The following ZNF667 variants were observed in gnomAD, a reference collection of about 807,000 sequenced individuals.
The protein encoded by ZNF667 is myocardial ischemic preconditioning upregulated 1 ortholog.
A neutral mutation model predicts 31.8 loss-of-function variants in ZNF667; 13 were observed. That is an observed-to-expected ratio of 0.41 (90% CI 0.27 to 0.65). The LOEUF is 0.65. Ranked by LOEUF, ZNF667 falls within the 30% of genes least tolerant of loss-of-function variation. The probability of loss-of-function intolerance (pLI) is 0.32; values close to 1 mark genes in which losing one functional copy is unlikely to be tolerated. For synonymous variants in ZNF667, 228 were observed against 247.1 expected (o/e 0.92, Z 0.73); for missense variants, 642 against 725.6 (o/e 0.88, Z 1.32).
intron 6 of ZNF667, among the ~76,000 whole-genome samples, chr19:56,452,335 C>A (rs945692532): frequency 2.0e-5 from 3 of 151,982 alleles, no homozygotes; most frequent in African/African-American, 7.2e-5. Flanking sequence ...TAGGCGTGAG[C>A]CACCACCCCC....
At position 56,460,749 on chromosome 19, in the gene ZNF667, T is replaced by TTC; in HGVS notation, c.99_100insGA (p.Ile34GlufsTer30). On this transcript the variant is annotated frameshift_variant, in exon 5 of 7. Transcript: ENST00000504904. LOFTEE classifies it high-confidence loss of function. ...ACATCTTCATACAAATCCTTCTGAA[T>TTC]GGGGCTCAGCCATTCCCACTCCTCC... 6.2e-7 allele frequency: 1 copy of TTC among 1,613,246 alleles called. No homozygotes were observed. The highest frequency in any genetic ancestry group is 8.5e-7 in the Non-Finnish European group (1 of 1,179,720).
chr19:56,462,525 A>ATGTG, intron 3 of ZNF667, 96 bp from the exon 4 acceptor site: 2 of 774,466 alleles, frequency 2.6e-6, no homozygotes, highest in Non-Finnish European at 4.6e-6. Context: ...ATGCACACAT[A>ATGTG]TGCACGTGCA....
chr19:56,458,132 T>G lies in ZNF667; in HGVS notation c.253+23A>C, dbSNP rs773841186. 6.2e-6 allele frequency: 10 copies of G among 1,604,682 alleles called. No homozygotes were observed. The East Asian group carries it at 1.8e-4, about 29-fold the overall frequency. On this transcript the variant is annotated intron_variant, in intron 6 of 6. Transcript: ENST00000504904. Reference sequence around the variant, plus strand: ...AGCAGCCCCAGTAGACTGAGACATATGCCTTGGTTCTCTGTCACTCACCAG... The same window carrying G: ...AGCAGCCCCAGTAGACTGAGACATAGGCCTTGGTTCTCTGTCACTCACCAG...
chr19:56,471,166 G>A (rs927804682), intron 3 of ZNF667, among the ~76,000 whole-genome samples: 1 of 151,518 alleles, frequency 6.6e-6, no homozygotes, highest in Non-Finnish European at 1.5e-5. Flanking sequence ...CACCCCCCCT[G>A]CCTCTTTCTC....
intron 3 of ZNF667, chr19:56,469,079 C>T (rs542760102): frequency 6.6e-6 from 1 of 152,222 alleles, no homozygotes; most frequent in Non-Finnish European, 1.5e-5. Flanking sequence ...TTGTCAGTGA[C>T]CTGGTGCTGA....
intron 6 of ZNF667, among the ~76,000 whole-genome samples, chr19:56,451,386 A>T (rs2042818906): frequency 6.6e-6 from 1 of 152,008 alleles, no homozygotes; most frequent in African/African-American, 2.4e-5. Flanking sequence ...TGGAGACTTA[A>T]CCACTTCATT....
intron 4 of ZNF667, among the ~76,000 whole-genome samples, chr19:56,461,472 A>C (rs930641640): frequency 3.3e-5 from 5 of 152,210 alleles, no homozygotes; most frequent in African/African-American, 1.2e-4. Flanking sequence ...GAATCTGGCC[A>C]ATAACCAGCA....
In ZNF667 at chr19:56,458,250, G is replaced by A. The variant is rs1600430804; in HGVS notation, c.161-3C>T. ...ATTTGGTCTCCGAAAGGAAAGACCT[G>A]TACGTGGGACAAACATGGGAAATGA... On this transcript the variant is annotated splice_region_variant and splice_polypyrimidine_tract_variant and intron_variant, in intron 5 of 6. Transcript: ENST00000504904. 2 of 1,613,394 alleles carry A rather than the reference G, an allele frequency of 1.2e-6. No homozygotes were observed. Among genetic ancestry groups the A allele is most frequent in the Non-Finnish European group, 1.7e-6 (2 of 1,179,436 alleles).
chr19:56,451,942 T>C (rs1373882583), intron 6 of ZNF667, among the ~76,000 whole-genome samples: 1 of 139,358 alleles, frequency 7.2e-6, no homozygotes, highest in Non-Finnish European at 1.5e-5. Flanking sequence ...CTGACCACAA[T>C]GGAACAAAAC....
chr19:56,449,267 C>T (rs1442260168), intron 6 of ZNF667: 4 of 437,874 alleles, frequency 9.1e-6, no homozygotes, highest in Non-Finnish European at 1.8e-5. Flanking sequence ...GACAAACATC[C>T]ATAAGCATCA....
At chr19:56,463,960 C>T (rs1480857557) in intron 3 of ZNF667, among the ~76,000 whole-genome samples, 1 of 152,014 alleles carries the variant, frequency 6.6e-6, no homozygotes, top group Non-Finnish European at 1.5e-5. Flanking sequence ...TACCGTAAAA[C>T]TTTAAAGTAT....
chr19:56,462,583 C>A (rs2043070237), intron 3 of ZNF667, among the ~76,000 whole-genome samples, 154 bp from the exon 4 acceptor site: 1 of 152,076 alleles, frequency 6.6e-6, no homozygotes, highest in Non-Finnish European at 1.5e-5. Flanking sequence ...TGTCCCCCCT[C>A]ACCTGCTCAC....
intron 2 of ZNF667, among the ~76,000 whole-genome samples, chr19:56,473,464 T>C (rs998733752): frequency 1.3e-5 from 2 of 152,208 alleles, no homozygotes; most frequent in African/African-American, 4.8e-5. Context: ...AATAGGAGAA[T>C]GGCTAAGTGA....
chr19:56,442,073 T>C lies in ZNF667; in HGVS notation c.922A>G (p.Ile308Val), dbSNP rs1250541866. 7 of 1,614,164 alleles carry C rather than the reference T, an allele frequency of 4.3e-6. No homozygotes were observed. Among genetic ancestry groups the C allele is most frequent in the Non-Finnish European group, 5.9e-6 (7 of 1,180,016 alleles). The change falls in exon 7 of 7, where the codon ATC becomes GTC. Residue 308 changes from isoleucine (I) to valine (V), a missense_variant. By Grantham distance (29) the Ile-to-Val change is conservative. Coordinates refer to ENST00000504904, the MANE Select transcript of ZNF667 (RefSeq NM_001321356.2). ...VHKRIHAGEK[I>V]PENAKALSQS... ...CTTAAGGCCTTCGCATTTTCAGGGA[T>C]TTTCTCTCCAGCATGAATTCTTTTA...
chr19:56,465,038 T>G (rs183084319), intron 3 of ZNF667, among the ~76,000 whole-genome samples: 146 of 152,368 alleles, frequency 9.6e-4, no homozygotes, highest in African/African-American at 3.4e-3. Flanking sequence ...CACCAAATGT[T>G]AACATTTTTC....
At chr19:56,443,364 T>C (rs1453206486) in intron 6 of ZNF667, among the ~76,000 whole-genome samples, 1 of 152,160 alleles carries the variant, frequency 6.6e-6, no homozygotes, top group Non-Finnish European at 1.5e-5. Flanking sequence ...TGCTTAACAA[T>C]GGGAACATGT....
At chr19:56,460,603 G>T in intron 5 of ZNF667, 86 bp downstream of exon 5, 1 of 1,439,974 alleles carries the variant, frequency 6.9e-7, no homozygotes, top group Non-Finnish European at 9.2e-7. Context: ...AGAAACTGCA[G>T]TGGCTTCCAT....
intron 6 of ZNF667, 44 bp downstream of exon 6, chr19:56,458,111 G>A (rs2042970862): frequency 1.3e-6 from 2 of 1,523,636 alleles, no homozygotes; most frequent in Admixed American, 3.3e-5. Context: ...TGTTATAGCA[G>A]CCCCAGTAGA....
Position 56,441,523 on chromosome 19 carries a change from C to A in ZNF667, c.1472G>T (p.Arg491Ile). ...ATAGGGTCTATCTTCAGTATGAATT[C>A]TCTTATGTCGTGTGAGAGATATTCG... ...SHRISLTRHK[R>I]IHTEDRPYEC... Residue 491 changes from arginine (R) to isoleucine (I), a missense_variant, in exon 7 of 7, where the codon AGA becomes ATA. By Grantham distance (97) the Arg-to-Ile change is moderately conservative. Coordinates refer to ENST00000504904, the MANE Select transcript of ZNF667 (RefSeq NM_001321356.2). This position sits in a 1 kb window ranked among gnomAD's most constrained non-coding sequence, Gnocchi z 4.2. 6.2e-7 allele frequency: 1 copy of A among 1,614,208 alleles called. No individual in the cohort carries two copies. Among genetic ancestry groups the A allele is most frequent in the Non-Finnish European group, 8.5e-7 (1 of 1,180,044 alleles).
Sources: allele counts gnomAD v4.1 joint callset (sites outside exome capture counted in the v4.1 genomes callset), GRCh38; gene constraint gnomAD v4.1.1; non-coding constraint Gnocchi (gnomAD v3.1); transcripts MANE v1.5; gene names NCBI Gene and HGNC (gene_info 2026-07-23, HGNC 2026-07-21).